The following ADARB2 variants were observed in gnomAD, a reference collection of about 807,000 sequenced individuals.
ADARB2 encodes the protein inactive double-stranded RNA-specific editase B2.
A neutral mutation model predicts 62.2 loss-of-function variants in ADARB2; 25 were observed. That is an observed-to-expected ratio of 0.40 (90% CI 0.29 to 0.56). The LOEUF (loss-of-function observed/expected upper bound fraction) is 0.56, where lower values mean the gene tolerates loss of function less well. ADARB2 is among the 20% of genes least tolerant of loss of function. ADARB2 has a pLI of 0.43. For synonymous variants in ADARB2, 572 were observed against 500.8 expected (o/e 1.14, Z -1.90); for missense variants, 1,071 against 1,077.4 (o/e 0.99, Z 0.08).
At position 1,233,697 on chromosome 10, in the gene ADARB2, C is replaced by CTG; in HGVS notation, c.1508_1509dup (p.Asp504GlnfsTer48). 1 of 1,612,660 alleles carries CTG rather than the reference C, an allele frequency of 6.2e-7. No individual in the cohort carries two copies. Among genetic ancestry groups the CTG allele is most frequent in the Non-Finnish European group, 8.5e-7 (1 of 1,179,332 alleles). Reference sequence around the variant, plus strand: ...AGGTAAAAGCATGGTCTCTTACGGTCTGTGGTGATCTCGTAGGGAGAGTGG... The same window carrying CTG: ...AGGTAAAAGCATGGTCTCTTACGGTCTGTGTGGTGATCTCGTAGGGAGAGTGG... On this transcript the variant is annotated frameshift_variant, in exon 6 of 10. Transcript: ENST00000381312. LOFTEE classifies it high-confidence loss of function.
At chr10:1,447,655 G>C (rs1830988480) in intron 1 of ADARB2, among the ~76,000 whole-genome samples, 1 of 152,154 alleles carries the variant, frequency 6.6e-6, no homozygotes, top group Non-Finnish European at 1.5e-5. Context: ...ACGGGGGTTT[G>C]CTGTACGGAT....
intron 4 of ADARB2, among the ~76,000 whole-genome samples, chr10:1,261,447 A>C (rs1355938079): frequency 2.0e-5 from 3 of 149,974 alleles, no homozygotes; most frequent in Admixed American, 1.3e-4. Context: ...GAACTCAAAC[A>C]AATTTACAAG....
intron 1 of ADARB2, among the ~76,000 whole-genome samples, chr10:1,474,507 C>T (rs2131919474): frequency 6.6e-6 from 1 of 152,310 alleles, no homozygotes; most frequent in East Asian, 1.9e-4. Context: ...TGGTGGCACC[C>T]AAGCAGGACT....
At chr10:1,516,275 CT>C (rs768314182) in intron 1 of ADARB2, among the ~76,000 whole-genome samples, 1 of 152,216 alleles carries the variant, frequency 6.6e-6, no homozygotes, top group Non-Finnish European at 1.5e-5. Context: ...AGGCCCTCTC[CT>C]TTCCCAGGAC....
intron 1 of ADARB2, among the ~76,000 whole-genome samples, chr10:1,476,809 G>T (rs778810127): frequency 7.2e-5 from 11 of 152,162 alleles, no homozygotes; most frequent in Non-Finnish European, 1.5e-4. Context: ...GATGGAAAGG[G>T]CCAGGAGGTT....
Position 1,576,602 on chromosome 10 carries a change from G to A in ADARB2, c.100+160449C>T, listed in dbSNP as rs925362880. Among the ~76,000 whole-genome samples, 3 of 152,144 alleles carry A rather than the reference G, an allele frequency of 2.0e-5. No individual in the cohort carries two copies. The East Asian group carries it at 5.8e-4, about 29-fold the overall frequency. On this transcript the variant is annotated intron_variant, in intron 1 of 9. Coordinates refer to ENST00000381312, the MANE Select transcript of ADARB2 (RefSeq NM_018702.4). ...CTGTGTCTCCATCCAGCGATCTTCG[G>A]TCTCAAGTGGGTGAGGGGCACTGTG...
At chr10:1,435,959 T>C (rs4880851) in intron 1 of ADARB2, among the ~76,000 whole-genome samples, 52,728 of 152,078 alleles carry the variant, frequency 0.35, 9,810 homozygotes, top group East Asian at 0.68. Context: ...CTTTCTGTTC[T>C]TGACAATGTT....
At chr10:1,666,056 G>A (rs1225725576) in intron 1 of ADARB2, among the ~76,000 whole-genome samples, 1 of 146,992 alleles carries the variant, frequency 6.8e-6, no homozygotes, top group Non-Finnish European at 1.5e-5. Context: ...GAGGCTCCAG[G>A]CTGAGACCAG....
At chr10:1,582,052 C>A (rs1207377211) in intron 1 of ADARB2, among the ~76,000 whole-genome samples, 1 of 152,186 alleles carries the variant, frequency 6.6e-6, no homozygotes, top group African/African-American at 2.4e-5. Context: ...TCCGAGCAGA[C>A]CTTCTTAATC....
At chr10:1,728,024 C>G (rs192351735) in intron 1 of ADARB2, among the ~76,000 whole-genome samples, 1 of 152,184 alleles carries the variant, frequency 6.6e-6, no homozygotes, top group Non-Finnish European at 1.5e-5. Flanking sequence ...GTATTGGTAG[C>G]CACATAAAGC....
intron 1 of ADARB2, among the ~76,000 whole-genome samples, chr10:1,578,828 C>T (rs1476049172): frequency 6.6e-6 from 1 of 152,134 alleles, no homozygotes; most frequent in East Asian, 1.9e-4. Flanking sequence ...TATACACACA[C>T]CTACAAACAC....
intron 1 of ADARB2, among the ~76,000 whole-genome samples, chr10:1,659,003 A>G (rs1471353030): frequency 2.6e-5 from 4 of 152,224 alleles, no homozygotes; most frequent in Non-Finnish European, 5.9e-5. Flanking sequence ...GTTGTGGTTA[A>G]CATAAGCACT....
At position 1,655,228 on chromosome 10, in the gene ADARB2, A is replaced by G. The variant is rs1023317511; in HGVS notation, c.100+81823T>C. On this transcript the variant is annotated intron_variant, in intron 1 of 9. Coordinates refer to ENST00000381312, the MANE Select transcript of ADARB2 (RefSeq NM_018702.4). ...GTGCTATGACAGTTCATTGTCCTGG[A>G]CAATAAGGCACTAGAACAGAGGGGG... 3.9e-5 allele frequency among the ~76,000 whole-genome samples: 6 copies of G among 152,320 alleles called. 1 individual carries two copies. Among genetic ancestry groups the G allele is most frequent in the Middle Eastern group, 6.8e-3 (2 of 294 alleles).
intron 3 of ADARB2, among the ~76,000 whole-genome samples, chr10:1,284,902 T>G (rs1299685433): frequency 6.6e-6 from 1 of 152,144 alleles, no homozygotes; most frequent in Non-Finnish European, 1.5e-5. Flanking sequence ...CCTTCAGTCC[T>G]TGAGGGGTGA....
chr10:1,217,165 T>A (rs747378135), intron 6 of ADARB2, 46 bp from the exon 7 acceptor site: 115 of 1,499,454 alleles, frequency 7.7e-5, no homozygotes, highest in Non-Finnish European at 1.0e-4. Flanking sequence ...GGAAGCCGCC[T>A]TGGTTTTGGG....
At chr10:1,323,602 T>G (rs1831815141) in intron 3 of ADARB2, among the ~76,000 whole-genome samples, 1 of 152,132 alleles carries the variant, frequency 6.6e-6, no homozygotes, top group Admixed American at 6.5e-5. Flanking sequence ...TAATTGATCA[T>G]GTGATGTTGG....
chr10:1,494,467 T>G (rs1409990392), intron 1 of ADARB2, among the ~76,000 whole-genome samples: 1 of 152,226 alleles, frequency 6.6e-6, no homozygotes, highest in African/African-American at 2.4e-5. Context: ...CTATGAATGC[T>G]AAGCAAAAAT....
In ADARB2 at chr10:1,340,651, CCGG is replaced by C. The variant is rs1564262315; in HGVS notation, c.1077+22374_1077+22376del. Among the ~76,000 whole-genome samples, 13 of 54,460 alleles carry C rather than the reference CCGG, an allele frequency of 2.4e-4. 1 individual carries two copies. Among genetic ancestry groups the C allele is most frequent in the African/African-American group, 3.7e-4 (5 of 13,472 alleles). 35.7% of individuals were successfully genotyped at this position (54,460 alleles called of 152,430 possible). ...ACCACACACCCCACAGCGGCAATAA[CCGG>C]CATCCACCAGAGAACCACGTGCCCC... On this transcript the variant is annotated intron_variant, in intron 3 of 9. Coordinates refer to ENST00000381312, the MANE Select transcript of ADARB2 (RefSeq NM_018702.4).
chr10:1,686,602 C>G (rs759381415), intron 1 of ADARB2, among the ~76,000 whole-genome samples: 2 of 152,116 alleles, frequency 1.3e-5, no homozygotes, highest in Non-Finnish European at 2.9e-5. Flanking sequence ...ACTGTGAACC[C>G]GCTGGGCTTC....
Sources: allele counts gnomAD v4.1 joint callset (sites outside exome capture counted in the v4.1 genomes callset), GRCh38; gene constraint gnomAD v4.1.1; transcripts MANE v1.5; gene names NCBI Gene and HGNC (gene_info 2026-07-23, HGNC 2026-07-21).